The following COL18A1 variants were observed in gnomAD, a reference collection of about 807,000 sequenced individuals.
COL18A1 encodes the protein collagen alpha-1(XVIII) chain.
Under a neutral mutation model 168.0 loss-of-function variants are expected in COL18A1, and 133 were observed. The observed-to-expected ratio is 0.79, with a 90% confidence interval of 0.69 to 0.91. The LOEUF is 0.91. COL18A1 is among the 40% of genes least tolerant of loss of function. COL18A1 has a pLI of 0.00. For missense variants in COL18A1, 2,126 were observed against 1,925.4 expected, an observed-to-expected ratio of 1.10 and a Z score of -1.95; for synonymous variants, 949 against 809.0, an observed-to-expected ratio of 1.17 and a Z score of -2.94.
At chr21:45,459,804 AC>A (rs2034981947) in intron 2 of COL18A1, among the ~76,000 whole-genome samples, 1 of 152,008 alleles carries the variant, frequency 6.6e-6, no homozygotes, top group Non-Finnish European at 1.5e-5. Context: ...GCTGCCCGGG[AC>A]ACTGCCTCCA....
At chr21:45,500,437 TGTGGCTATGGGGGTGC>T (rs2146032842) in intron 32 of COL18A1, among the ~76,000 whole-genome samples, 1 of 104,906 alleles carries the variant, frequency 9.5e-6, no homozygotes, top group Non-Finnish European at 1.9e-5. Context: ...GTGTGTGGAG[TGTGGCTATGGGGGTGC>T]TGGGTGTGTA....
In COL18A1 at chr21:45,512,740, C is replaced by T. The variant is rs886057139; in HGVS notation, c.*342C>T. ...TCCAGGATTTCCTGCTTTGGGAAGC[C>T]GTGCTCGCCCCAGCAGGTGCTGACT... On this transcript the variant is annotated 3_prime_UTR_variant, in exon 42 of 42. Transcript: ENST00000651438. 2.3e-5 allele frequency: 9 copies of T among 389,252 alleles called. No homozygotes were observed. Among genetic ancestry groups the T allele is most frequent in the South Asian group, 1.6e-4 (7 of 43,874 alleles). 24.1% of individuals were successfully genotyped at this position (389,252 alleles called of 1,614,324 possible).
chr21:45,492,559 C>T lies in COL18A1; in HGVS notation c.2182C>T (p.Pro728Ser), dbSNP rs1452202765. Reference sequence around the variant, plus strand: ...GGGATCCGTCCTGAGCGTGCCGGGACCTGAGGTATGTGCCTGCCCAGCTTC... The same window carrying T: ...GGGATCCGTCCTGAGCGTGCCGGGATCTGAGGTATGTGCCTGCCCAGCTTC... ...QDGSVLSVPG[P>S]EGRPGFAGFP... Residue 728 changes from proline (P) to serine (S), a missense_variant, in exon 23 of 42, where the codon CCT becomes TCT. By Grantham distance (74) the Pro-to-Ser change is moderately conservative (BLOSUM62 -1). Transcript: ENST00000651438. The T allele has an allele frequency of 5.0e-6, 8 of 1,613,080 alleles. No individual in the cohort carries two copies. Among genetic ancestry groups the T allele is most frequent in the Non-Finnish European group, 5.9e-6 (7 of 1,180,020 alleles).
chr21:45,489,171 A>T (rs2036214999), intron 18 of COL18A1, among the ~76,000 whole-genome samples: 1 of 152,210 alleles, frequency 6.6e-6, no homozygotes. Context: ...GACTTATGGG[A>T]AGGGCCGTGT....
At chr21:45,408,152 G>A (rs894984310) in intron 2 of COL18A1, 3 of 152,276 alleles carry the variant, frequency 2.0e-5, no homozygotes, top group African/African-American at 7.2e-5. Flanking sequence ...CCTAGAAGGA[G>A]TGAACTGCCC....
chr21:45,512,004 G>T (rs1300825396), intron 41 of COL18A1, among the ~76,000 whole-genome samples, 184 bp from the exon 42 acceptor site: 2 of 152,182 alleles, frequency 1.3e-5, no homozygotes. Flanking sequence ...CAGTCTGGGA[G>T]ATGCAGCCCC....
At chr21:45,508,162 G>C (rs1315495548) in intron 38 of COL18A1, among the ~76,000 whole-genome samples, 2 of 151,010 alleles carry the variant, frequency 1.3e-5, no homozygotes, top group Non-Finnish European at 3.0e-5. Flanking sequence ...TGAGTGGATA[G>C]GTAGGTAGCT....
rs1197691033 is a variant in COL18A1 at position 45,468,618 on chromosome 21, G to T, written c.483G>T (p.Gln161His). The change falls in exon 3 of 42, where the codon CAG (glutamine) becomes CAT (histidine). Residue 161 changes from glutamine (Q) to histidine (H), a missense_variant. Transcript: ENST00000651438. ...ASFRLPAFVGQWTHLALSVAG... is the reference protein window; with the variant it reads ...ASFRLPAFVGHWTHLALSVAG... ...TCCGGCTCCCCGCCTTCGTCGGCCA[G>T]TGGACACACTTAGCCCTCAGTGTGG... 1.9e-6 allele frequency: 3 copies of T among 1,614,000 alleles called. No homozygotes were observed. In the South Asian group the frequency reaches 3.3e-5, roughly 18 times the overall value.
chr21:45,452,689 GTA>G (rs1432314146), intron 2 of COL18A1, among the ~76,000 whole-genome samples: 1 of 146,582 alleles, frequency 6.8e-6, no homozygotes, highest in Non-Finnish European at 1.5e-5. Context: ...GTGTGAGCAT[GTA>G]TGTGAGTTTG....
intron 2 of COL18A1, among the ~76,000 whole-genome samples, chr21:45,467,070 C>T (rs1442674076): frequency 6.6e-6 from 1 of 152,270 alleles, no homozygotes; most frequent in Non-Finnish European, 1.5e-5. Context: ...AGCCCAGGCT[C>T]AGCCCGTTGG....
At position 45,425,048 on chromosome 21, in the gene COL18A1, C is replaced by T. The variant is rs947546940; in HGVS notation, c.106+19575C>T. ...CATTCGCAGGAGGTTTCTCAGATGC[C>T]CCGGGCTCGGGGGCCAGTCAGTCTC... On this transcript the variant is annotated intron_variant, in intron 2 of 41. Coordinates refer to ENST00000651438, the MANE Select transcript of COL18A1 (RefSeq NM_001379500.1). The surrounding 1 kb of genome is among the most constrained non-coding windows in gnomAD (Gnocchi z 4.1). 2 of 152,218 alleles carry T rather than the reference C, an allele frequency of 1.3e-5. No individual in the cohort carries two copies. Among genetic ancestry groups the T allele is most frequent in the African/African-American group, 4.8e-5 (2 of 41,438 alleles). 9.4% of individuals were successfully genotyped at this position (152,218 alleles called of 1,614,324 possible). A position where few individuals can be genotyped will look rare whatever the true frequency, so the allele number is the denominator to read the frequency against.
intron 2 of COL18A1, among the ~76,000 whole-genome samples, chr21:45,448,354 C>T (rs991342049): frequency 6.6e-6 from 1 of 152,186 alleles, no homozygotes; most frequent in Non-Finnish European, 1.5e-5. Context: ...CTACATGCAC[C>T]TCCACATGCG....
In COL18A1 at chr21:45,498,525, C is replaced by T. The variant is rs1165622583; in HGVS notation, c.2683+864C>T. 2.8e-6 allele frequency: 2 copies of T among 716,450 alleles called. No individual in the cohort carries two copies. The highest frequency in any genetic ancestry group is 2.7e-5 in the East Asian group (1 of 37,276). The allele number at this position is 716,450 out of a possible 1,614,324, so 44.4% of individuals were successfully genotyped here. A position where few individuals can be genotyped will look rare whatever the true frequency, so the allele number is the denominator to read the frequency against. On this transcript the variant is annotated intron_variant, in intron 32 of 41. Coordinates refer to ENST00000651438, the MANE Select transcript of COL18A1 (RefSeq NM_001379500.1). The surrounding 1 kb of genome is among the most constrained non-coding windows in gnomAD (Gnocchi z 4.5). ...CCAGGGTCCTCTGCAGAGGAGGCCG[C>T]CATACCTGCTCTTGCTGGGGCTGCA... is the stretch of plus-strand genomic sequence containing the variant.
intron 2 of COL18A1, among the ~76,000 whole-genome samples, chr21:45,418,714 C>T: frequency 6.7e-6 from 1 of 150,300 alleles, no homozygotes; most frequent in Non-Finnish European, 1.5e-5. Context: ...TCCCAGCCAC[C>T]TCACGTCACT....
chr21:45,442,179 G>A (rs2034388170), intron 2 of COL18A1, among the ~76,000 whole-genome samples: 1 of 152,076 alleles, frequency 6.6e-6, no homozygotes, highest in African/African-American at 2.4e-5. Flanking sequence ...CCACAGCCTT[G>A]AGCCTGGACA....
intron 15 of COL18A1, 85 bp downstream of exon 15, chr21:45,482,906 C>T (rs1031258750): frequency 8.1e-6 from 13 of 1,598,912 alleles, no homozygotes; most frequent in East Asian, 4.5e-5. Flanking sequence ...GGCAGCCCCA[C>T]GGTCGAGAGA....
At position 45,471,321 on chromosome 21, in the gene COL18A1, G is replaced by A. The variant is rs904890793; in HGVS notation, c.651+2535G>A. On this transcript the variant is annotated intron_variant, in intron 3 of 41. Transcript: ENST00000651438. The surrounding 1 kb of genome is among the most constrained non-coding windows in gnomAD (Gnocchi z 4.4). Reference sequence around the variant, plus strand: ...CTGGGGAGAGGAGAAGCATGCTTGTGTGGTAGAAAAGAAGACAGACTTGTT... The same window carrying A: ...CTGGGGAGAGGAGAAGCATGCTTGTATGGTAGAAAAGAAGACAGACTTGTT... Among the ~76,000 whole-genome samples the A allele has an allele frequency of 1.3e-5, 2 of 152,214 alleles. No individual in the cohort carries two copies. The highest frequency in any genetic ancestry group is 2.4e-5 in the African/African-American group (1 of 41,446).
In COL18A1 at chr21:45,511,166, T is replaced by G. The variant is rs766085368; in HGVS notation, c.3749T>G (p.Leu1250Arg). The change falls in exon 41 of 42, where the codon CTG (leucine) becomes CGG (arginine). Residue 1250 changes from leucine (L) to arginine (R), a missense_variant. Transcript: ENST00000651438. ...EALFSGSEGP[L>R]KPGARIFSFD... is the part of the protein sequence containing the mutation. ...CTGTTCTCAGGCTCTGAGGGTCCGC[T>G]GAAGCCCGGGGCACGCATCTTCTCC... 22 of 1,601,750 alleles carry G rather than the reference T, an allele frequency of 1.4e-5. No individual in the cohort carries two copies. Among genetic ancestry groups the G allele is most frequent in the Non-Finnish European group, 1.7e-5 (20 of 1,174,258 alleles).
intron 2 of COL18A1, among the ~76,000 whole-genome samples, chr21:45,444,970 G>C (rs1403042931): frequency 6.6e-6 from 1 of 152,142 alleles, no homozygotes; most frequent in Non-Finnish European, 1.5e-5. Flanking sequence ...TGATTGTTTT[G>C]AATGGCTTTA....
Sources: allele counts gnomAD v4.1 joint callset (sites outside exome capture counted in the v4.1 genomes callset), GRCh38; gene constraint gnomAD v4.1.1; non-coding constraint Gnocchi (gnomAD v3.1); transcripts MANE v1.5; gene names NCBI Gene and HGNC (gene_info 2026-07-23, HGNC 2026-07-21).